The following ST6GALNAC3 variants were observed in gnomAD, a reference collection of about 807,000 sequenced individuals.
ST6GALNAC3 encodes the protein ST6 N-acetylgalactosaminide alpha-2,6-sialyltransferase 3, also known as alpha-N-acetylgalactosaminide alpha-2,6-sialyltransferase 3.
Under a neutral mutation model 32.7 loss-of-function variants are expected in ST6GALNAC3, and 25 were observed. The ratio of observed to expected loss-of-function variants is 0.76; its 90% CI spans 0.56 to 1.07. The LOEUF is 1.07. Ranked by LOEUF, ST6GALNAC3 falls within the 50% of genes least tolerant of loss-of-function variation. ST6GALNAC3 has a pLI of 0.00. For missense variants in ST6GALNAC3, 355 were observed against 382.4 expected (o/e 0.93, Z 0.60); for synonymous variants, 129 against 133.1 (o/e 0.97, Z 0.21).
At chr1:76,114,091 C>T (rs1357989006) in intron 1 of ST6GALNAC3, among the ~76,000 whole-genome samples, 1 of 151,616 alleles carries the variant, frequency 6.6e-6, no homozygotes, top group Non-Finnish European at 1.5e-5. Flanking sequence ...GATCCACCCG[C>T]CTCGGCCTCC....
chr1:76,592,503 C>T (rs979112022), intron 3 of ST6GALNAC3, among the ~76,000 whole-genome samples: 6 of 152,106 alleles, frequency 3.9e-5, no homozygotes, highest in Admixed American at 3.9e-4. Flanking sequence ...AGGGAACTGT[C>T]CTGATGGAGA....
intron 3 of ST6GALNAC3, among the ~76,000 whole-genome samples, chr1:76,608,349 A>G (rs980379593): frequency 6.6e-6 from 1 of 152,238 alleles, no homozygotes. Context: ...CTGGGAAAAC[A>G]GAGATTAACC....
intron 2 of ST6GALNAC3, among the ~76,000 whole-genome samples, chr1:76,319,442 C>T (rs1646927945): frequency 6.6e-6 from 1 of 152,110 alleles, no homozygotes; most frequent in Non-Finnish European, 1.5e-5. Flanking sequence ...ATGTGCATAA[C>T]ATATTGATGT....
intron 3 of ST6GALNAC3, among the ~76,000 whole-genome samples, chr1:76,555,893 A>G (rs890854466): frequency 6.6e-6 from 1 of 152,114 alleles, no homozygotes; most frequent in Non-Finnish European, 1.5e-5. Flanking sequence ...TTATTCATAT[A>G]CCATACAACT....
chr1:76,486,434 A>G (rs1660120827), intron 3 of ST6GALNAC3, among the ~76,000 whole-genome samples: 1 of 152,164 alleles, frequency 6.6e-6, no homozygotes, highest in Non-Finnish European at 1.5e-5. Context: ...TATATTTAGG[A>G]TAGTTAGCTC....
chr1:76,147,720 G>A (rs554023805), intron 1 of ST6GALNAC3, among the ~76,000 whole-genome samples: 40 of 152,200 alleles, frequency 2.6e-4, no homozygotes, highest in Non-Finnish European at 3.7e-4. Flanking sequence ...TGCTCAACAC[G>A]TGTTTCCAAT....
intron 3 of ST6GALNAC3, among the ~76,000 whole-genome samples, chr1:76,598,693 G>A (rs925167999): frequency 6.6e-6 from 1 of 151,390 alleles, no homozygotes; most frequent in Admixed American, 6.6e-5. Flanking sequence ...TTGTAGACAA[G>A]CACAGATCTT....
chr1:76,613,730 G>GT (rs1557626946), intron 3 of ST6GALNAC3, among the ~76,000 whole-genome samples: 1 of 152,194 alleles, frequency 6.6e-6, no homozygotes, highest in African/African-American at 2.4e-5. Flanking sequence ...CTCTGGCCAC[G>GT]TAAGACGTGC....
chr1:76,549,406 T>C (rs1485290563), intron 3 of ST6GALNAC3, among the ~76,000 whole-genome samples: 1 of 151,780 alleles, frequency 6.6e-6, no homozygotes, highest in Non-Finnish European at 1.5e-5. Flanking sequence ...TACAGGGCAT[T>C]ATTTTGCAGG....
chr1:76,235,078 G>C (rs1656574014), intron 1 of ST6GALNAC3, among the ~76,000 whole-genome samples: 1 of 152,198 alleles, frequency 6.6e-6, no homozygotes, highest in South Asian at 2.1e-4. Flanking sequence ...GGTGCCAAGA[G>C]TCAGTCACTC....
intron 2 of ST6GALNAC3, among the ~76,000 whole-genome samples, chr1:76,389,397 AACAT>A (rs1441502104): frequency 3.9e-5 from 6 of 152,218 alleles, no homozygotes; most frequent in African/African-American, 1.4e-4. Flanking sequence ...AAGTTTATTC[AACAT>A]GGAACAGAAG....
At chr1:76,153,778 A>G (rs1257975484) in intron 1 of ST6GALNAC3, among the ~76,000 whole-genome samples, 1 of 152,150 alleles carries the variant, frequency 6.6e-6, no homozygotes, top group Non-Finnish European at 1.5e-5. Flanking sequence ...GGGAACAGTT[A>G]GTCATATTCT....
chr1:76,332,191 C>T (rs1051117006), intron 2 of ST6GALNAC3, among the ~76,000 whole-genome samples: 1 of 152,142 alleles, frequency 6.6e-6, no homozygotes, highest in Non-Finnish European at 1.5e-5. Flanking sequence ...GAAAACAAGA[C>T]AGTTGGCTCA....
intron 2 of ST6GALNAC3, among the ~76,000 whole-genome samples, chr1:76,342,862 G>C (rs1400590885): frequency 6.6e-6 from 1 of 151,622 alleles, no homozygotes; most frequent in Non-Finnish European, 1.5e-5. Context: ...TTGGCCACTT[G>C]TATGTCTTGT....
intron 3 of ST6GALNAC3, among the ~76,000 whole-genome samples, chr1:76,575,732 G>A (rs914093847): frequency 6.6e-6 from 1 of 152,042 alleles, no homozygotes; most frequent in Non-Finnish European, 1.5e-5. Flanking sequence ...TGGGCATCAG[G>A]GTCTGGAAGC....
At chr1:76,453,523 T>G (rs1439565206) in intron 3 of ST6GALNAC3, among the ~76,000 whole-genome samples, 1 of 152,144 alleles carries the variant, frequency 6.6e-6, no homozygotes, top group African/African-American at 2.4e-5. Context: ...CCATCTTGAT[T>G]TCATTGTTGA....
intron 1 of ST6GALNAC3, among the ~76,000 whole-genome samples, chr1:76,294,127 A>G (rs1660254045): frequency 6.6e-6 from 1 of 152,138 alleles, no homozygotes; most frequent in Non-Finnish European, 1.5e-5. Context: ...TATTCTTCAG[A>G]TAGGAGTCTC....
chr1:76,412,088 A>C lies in ST6GALNAC3; in HGVS notation c.294A>C (p.Ile98=). The part of the protein sequence containing the change: ...QMVGQKVGNE[I]DRSSCIWRMN... ...TTGGCCAGAAGGTGGGAAATGAGAT[A>C]GATCGATCCTCCTGCATTTGGAGAA... The change falls in exon 3 of 5, where the codon ATA becomes ATC. Residue 98 remains isoleucine, a synonymous_variant. Coordinates refer to ENST00000328299, the MANE Select transcript of ST6GALNAC3 (RefSeq NM_152996.4). 1 of 1,613,560 alleles carries C rather than the reference A, an allele frequency of 6.2e-7. No homozygotes were observed. Among genetic ancestry groups the C allele is most frequent in the Non-Finnish European group, 8.5e-7 (1 of 1,179,700 alleles).
At chr1:76,151,633 G>A (rs995188474) in intron 1 of ST6GALNAC3, among the ~76,000 whole-genome samples, 1 of 152,208 alleles carries the variant, frequency 6.6e-6, no homozygotes, top group Non-Finnish European at 1.5e-5. Context: ...GGGAAAGAGT[G>A]TAGCACAGGT....
Sources: gnomAD v4.1 joint callset for allele counts (sites outside exome capture counted in the v4.1 genomes callset) on GRCh38, gnomAD v4.1.1 for gene constraint, MANE v1.5 for transcripts, NCBI Gene and HGNC (gene_info 2026-07-23, HGNC 2026-07-21) for gene names.